The following ABHD16A variants were observed in gnomAD, a reference collection of about 807,000 sequenced individuals.
ABHD16A encodes abhydrolase domain containing 16A, phospholipase, also known as phosphatidylserine lipase ABHD16A.
In ABHD16A, 47 loss-of-function variants were observed where a neutral mutation model predicts 89.8. The ratio of observed to expected loss-of-function variants is 0.52; its 90% CI spans 0.41 to 0.67. The LOEUF is 0.67. Ranked by LOEUF, ABHD16A falls within the 30% of genes least tolerant of loss-of-function variation. The probability of loss-of-function intolerance (pLI) is 0.00; values close to 1 mark genes in which losing one functional copy is unlikely to be tolerated. For synonymous variants in ABHD16A, 251 were observed against 280.4 expected, an observed-to-expected ratio of 0.90 and a Z score of 1.05; for missense variants, 580 against 734.6, an observed-to-expected ratio of 0.79 and a Z score of 2.43.
At chr6:31,700,317 G>A (rs1291425693) in intron 4 of ABHD16A, among the ~76,000 whole-genome samples, 1 of 151,782 alleles carries the variant, frequency 6.6e-6, no homozygotes, top group African/African-American at 2.4e-5. Flanking sequence ...GTAGAGACGG[G>A]GTTTTACCAT....
chr6:31,694,307 T>C (rs1429507616), intron 5 of ABHD16A, among the ~76,000 whole-genome samples: 1 of 151,708 alleles, frequency 6.6e-6, no homozygotes, highest in Non-Finnish European at 1.5e-5. Flanking sequence ...TCCTCCTGCC[T>C]TGGCTTCCGA....
At position 31,689,124 on chromosome 6, in the gene ABHD16A, T is replaced by C. The variant is rs1583670183; in HGVS notation, c.1082-5A>G. 1 of 1,612,630 alleles carries C rather than the reference T, an allele frequency of 6.2e-7. No individual in the cohort carries two copies. On this transcript the variant is annotated splice_region_variant and splice_polypyrimidine_tract_variant and intron_variant, in intron 12 of 19. Transcript: ENST00000395952. ...AGGACATGGCTGCCCACGTGGCTGG[T>C]ACCAGGGCAGGGAAGAAGAGTAAGA... is the stretch of plus-strand genomic sequence containing the variant.
chr6:31,699,278 G>C (rs1380029184), intron 4 of ABHD16A, among the ~76,000 whole-genome samples: 3 of 151,882 alleles, frequency 2.0e-5, no homozygotes, highest in Non-Finnish European at 4.4e-5. Flanking sequence ...GTGTGGTGGT[G>C]GGCGCCTGTA....
Position 31,687,309 on chromosome 6 carries a change from G to A in ABHD16A, c.1594-14C>T. ...ATGCTTCCGAGCCTGAGGAAAGGAG[G>A]TGGGACAGGTGGGGTACAGAGCACT... On this transcript the variant is annotated splice_polypyrimidine_tract_variant and intron_variant, in intron 19 of 19. Transcript: ENST00000395952. This position sits in a 1 kb window ranked among gnomAD's most constrained non-coding sequence, Gnocchi z 6.3. 1 of 1,612,468 alleles carries A rather than the reference G, an allele frequency of 6.2e-7. No individual in the cohort carries two copies. Among genetic ancestry groups the A allele is most frequent in the Non-Finnish European group, 8.5e-7 (1 of 1,179,610 alleles).
rs1583705561 is a variant in ABHD16A at position 31,697,175 on chromosome 6, G to A, written c.344-142C>T. The A allele has an allele frequency of 4.0e-5, 29 of 727,438 alleles. No individual in the cohort carries two copies. The South Asian group carries it at 4.7e-4, about 12-fold the overall frequency. The allele number at this position is 727,438 out of a possible 1,614,324, so 45.1% of individuals were successfully genotyped here. A position where few individuals can be genotyped will look rare whatever the true frequency, so the allele number is the denominator to read the frequency against. On this transcript the variant is annotated intron_variant, in intron 4 of 19. Transcript: ENST00000395952. The stretch of plus-strand genomic sequence containing the variant: ...AAAGGAACTGAGGGCATAGGATGCG[G>A]AGAAATAGATGTGAGCCAACCCCCT...
chr6:31,697,110 G>T, intron 4 of ABHD16A, 77 bp from the exon 5 acceptor site: 1 of 1,348,674 alleles, frequency 7.4e-7, no homozygotes, highest in Non-Finnish European at 1.1e-6. Flanking sequence ...AAGAATTGGA[G>T]ATGGGCTAGA....
In ABHD16A at chr6:31,691,883, A is replaced by G; in HGVS notation, c.662T>C (p.Leu221Pro). The G allele has an allele frequency of 6.2e-7, 1 of 1,611,164 alleles. No individual in the cohort carries two copies. The highest frequency in any genetic ancestry group is 8.5e-7 in the Non-Finnish European group (1 of 1,179,724). ...LVAHTLGRRM[L>P]YPGSVYLLQK... ...CAGCAGGTACACAGAGCCTGGATAC[A>G]GCATCCGGCGCCCTAGGGTGTGCGC... The change falls in exon 8 of 20, where the codon CTG becomes CCG. Residue 221 changes from leucine (L) to proline (P), a missense_variant. Leu to Pro is a moderately conservative substitution (Grantham distance 98). Coordinates refer to ENST00000395952, the MANE Select transcript of ABHD16A (RefSeq NM_021160.3).
chr6:31,696,082 T>C (rs1486596688), intron 5 of ABHD16A, among the ~76,000 whole-genome samples: 2 of 150,508 alleles, frequency 1.3e-5, no homozygotes, highest in African/African-American at 2.5e-5. Flanking sequence ...GACAATGGCA[T>C]GAACCCGGGA....
chr6:31,688,783 C>A lies in ABHD16A; in HGVS notation c.1190G>T (p.Gly397Val). 1.2e-6 allele frequency: 2 copies of A among 1,612,756 alleles called. No homozygotes were observed. Among genetic ancestry groups the A allele is most frequent in the Non-Finnish European group, 1.7e-6 (2 of 1,179,850 alleles). The stretch of plus-strand genomic sequence containing the variant: ...CTGCCTCACGGTCCTGGTCACCAGG[C>A]CCCCTAGAGTGGGATAAAGGTGAAG... ...ALKVMPDSWRGLVTRTVRQHL... is the reference protein window; with the variant it reads ...ALKVMPDSWRVLVTRTVRQHL... Residue 397 changes from glycine (G) to valine (V), a missense_variant, in exon 14 of 20, where the codon GGC (glycine) becomes GTC (valine). Around this residue, in one of 2 missense-constraint regions of ABHD16A, gnomAD observed 415 missense variants for 568.8 expected, o/e 0.73. Coordinates refer to ENST00000395952, the MANE Select transcript of ABHD16A (RefSeq NM_021160.3). This position sits in a 1 kb window ranked among gnomAD's most constrained non-coding sequence, Gnocchi z 4.9.
In ABHD16A at chr6:31,702,218, G is replaced by A. The variant is rs1269928161; in HGVS notation, c.133-88C>T. 3.1e-6 allele frequency: 4 copies of A among 1,299,036 alleles called. No individual in the cohort carries two copies. The Admixed American group carries it at 7.5e-5, about 24-fold the overall frequency. The allele number at this position is 1,299,036 out of a possible 1,614,324, so 80.5% of individuals were successfully genotyped here. A position where few individuals can be genotyped will look rare whatever the true frequency, so the allele number is the denominator to read the frequency against. ...CAGAAGCCCTGCTGTGTGTCCTCTG[G>A]TTCTAGTCTCGTTGACTATCTCTCT... On this transcript the variant is annotated intron_variant, in intron 1 of 19. Coordinates refer to ENST00000395952, the MANE Select transcript of ABHD16A (RefSeq NM_021160.3).
chr6:31,690,726 T>C lies in ABHD16A; in HGVS notation c.844-124A>G. On this transcript the variant is annotated intron_variant, in intron 9 of 19. Coordinates refer to ENST00000395952, the MANE Select transcript of ABHD16A (RefSeq NM_021160.3). This position sits in a 1 kb window ranked among gnomAD's most constrained non-coding sequence, Gnocchi z 4.1. The stretch of plus-strand genomic sequence containing the variant: ...GAGGAAAGGGCAGGTTTCTGTTTTC[T>C]CCAAGGGGAATGGAAGCTTCTCATT... The C allele has an allele frequency of 1.2e-6, 1 of 825,408 alleles. No homozygotes were observed. Among genetic ancestry groups the C allele is most frequent in the Non-Finnish European group, 2.0e-6 (1 of 495,816 alleles). The allele number at this position is 825,408 out of a possible 1,614,324, so 51.1% of individuals were successfully genotyped here.
rs1440004769 is a variant in ABHD16A at position 31,693,485 on chromosome 6, C to A, written c.430-53G>T. The A allele has an allele frequency of 1.9e-6, 3 of 1,556,008 alleles. No individual in the cohort carries two copies. In the Admixed American group the frequency reaches 5.1e-5, roughly 26 times the overall value. ...TACTGAGAACTCAGGGGAGGCTCTC[C>A]TACCCACCCTCAACAACACCTTCGT... is the stretch of plus-strand genomic sequence containing the variant. On this transcript the variant is annotated intron_variant, in intron 5 of 19. Transcript: ENST00000395952. The surrounding 1 kb of genome is among the most constrained non-coding windows in gnomAD (Gnocchi z 5.0).
In ABHD16A at chr6:31,687,698, A is replaced by G; in HGVS notation, c.1490T>C (p.Leu497Pro). The G allele has an allele frequency of 6.2e-7, 1 of 1,612,898 alleles. No individual in the cohort carries two copies. The highest frequency in any genetic ancestry group is 8.5e-7 in the Non-Finnish European group (1 of 1,179,930). The change falls in exon 18 of 20, where the codon CTG becomes CCG. Residue 497 changes from leucine (L) to proline (P), a missense_variant. By Grantham distance (98) the Leu-to-Pro change is moderately conservative. Around this residue, in one of 2 missense-constraint regions of ABHD16A, gnomAD observed 415 missense variants for 568.8 expected, o/e 0.73. Transcript: ENST00000395952. The surrounding 1 kb of genome is among the most constrained non-coding windows in gnomAD (Gnocchi z 6.3). ...SRWEVEEDWC[L>P]SVLRSYQAEH... is the part of the protein sequence containing the mutation. ...TGCCTGGTAGGAGCGGAGGACAGAC[A>G]GACACCAGTCCTCTTCCACCTCCCA...
chr6:31,697,841 G>A (rs1345337873), intron 4 of ABHD16A, among the ~76,000 whole-genome samples: 2 of 152,182 alleles, frequency 1.3e-5, no homozygotes, highest in African/African-American at 2.4e-5. Flanking sequence ...TACTACACAC[G>A]GGAGACTCAG....
At chr6:31,691,963 G>A in intron 7 of ABHD16A, 45 bp from the exon 8 acceptor site, 1 of 1,486,664 alleles carries the variant, frequency 6.7e-7, no homozygotes, top group Non-Finnish European at 9.1e-7. Flanking sequence ...GTTGAGGCCT[G>A]GGGACTGTGC....
In ABHD16A at chr6:31,691,797, G is replaced by A. The variant is rs1264998999; in HGVS notation, c.741+7C>T. The stretch of plus-strand genomic sequence containing the variant: ...CTTTAGGGGATGTGCGGGCAGGGAA[G>A]CCTCACCTCTTCCACCAGTCGGGCC... On this transcript the variant is annotated splice_region_variant and intron_variant, in intron 8 of 19. Transcript: ENST00000395952. The A allele has an allele frequency of 2.5e-6, 4 of 1,605,404 alleles. No individual in the cohort carries two copies. Among genetic ancestry groups the A allele is most frequent in the South Asian group, 1.1e-5 (1 of 90,374 alleles).
Position 31,693,069 on chromosome 6 carries a change from G to A in ABHD16A, c.584C>T (p.Thr195Ile). ...CAGCTTCTTAACCCGGTTGAGGAGG[G>A]TGTCTGCTGTCCCCCGGTGCAGGGG... ...PEPLHRGTAD[T>I]LLNRVKKLPC... The change falls in exon 7 of 20, where the codon ACC becomes ATC. Residue 195 changes from threonine to isoleucine, a missense_variant. By Grantham distance (89) the Thr-to-Ile change is moderately conservative. Transcript: ENST00000395952. This position sits in a 1 kb window ranked among gnomAD's most constrained non-coding sequence, Gnocchi z 5.0. 6.2e-7 allele frequency: 1 copy of A among 1,614,176 alleles called. No individual in the cohort carries two copies. Among genetic ancestry groups the A allele is most frequent in the Non-Finnish European group, 8.5e-7 (1 of 1,180,024 alleles).
intron 4 of ABHD16A, among the ~76,000 whole-genome samples, chr6:31,700,696 G>C (rs769393453): frequency 6.6e-6 from 1 of 151,378 alleles, no homozygotes; most frequent in Admixed American, 6.6e-5. Context: ...TCAGGAGTTT[G>C]AGACCAGCCT....
At chr6:31,697,615 C>T (rs1303932608) in intron 4 of ABHD16A, among the ~76,000 whole-genome samples, 1 of 152,176 alleles carries the variant, frequency 6.6e-6, no homozygotes, top group African/African-American at 2.4e-5. Context: ...CTGGGCCCAT[C>T]CTTGACTCCT....
Sources: allele counts gnomAD v4.1 joint callset (sites outside exome capture counted in the v4.1 genomes callset), GRCh38; gene constraint gnomAD v4.1.1; regional missense constraint gnomAD v4.1.1; non-coding constraint Gnocchi (gnomAD v3.1); transcripts MANE v1.5; gene names NCBI Gene and HGNC (gene_info 2026-07-23, HGNC 2026-07-21).